Variants in MTAP observed in about 807,000 individuals in gnomAD.
MTAP encodes S-methyl-5'-thioadenosine phosphorylase.
MTAP carries 33 observed loss-of-function variants against 33.6 expected under a neutral mutation model. The ratio of observed to expected loss-of-function variants is 0.98; its 90% CI spans 0.74 to 1.31. The LOEUF (loss-of-function observed/expected upper bound fraction) is 1.31, where lower values mean the gene tolerates loss of function less well. MTAP is among the 40% of genes most tolerant of loss of function. The pLI is 0.00. For synonymous variants in MTAP, 148 were observed against 125.7 expected, an observed-to-expected ratio of 1.18 and a Z score of -1.19; for missense variants, 367 against 360.0, an observed-to-expected ratio of 1.02 and a Z score of -0.16.
intron 1 of MTAP, among the ~76,000 whole-genome samples, chr9:21,874,723 G>A (rs1015202659): frequency 1.4e-4 from 20 of 146,836 alleles, no homozygotes; most frequent in Non-Finnish European, 2.5e-4. Context: ...TATACTTTAA[G>A]TGCTGGGATA....
At chr9:21,879,318 C>A (rs936443022) in intron 1 of MTAP, among the ~76,000 whole-genome samples, 3 of 152,016 alleles carry the variant, frequency 2.0e-5, no homozygotes, top group African/African-American at 7.2e-5. Context: ...CCTTCTTTAT[C>A]TTTTTCTATC....
At chr9:21,830,567 T>A (rs1017005596) in intron 4 of MTAP, among the ~76,000 whole-genome samples, 6 of 152,208 alleles carry the variant, frequency 3.9e-5, no homozygotes, top group African/African-American at 1.4e-4. Context: ...ATTTGACCTT[T>A]AGTCTGTCCT....
intron 1 of MTAP, among the ~76,000 whole-genome samples, chr9:21,917,260 GGA>G (rs1818706557): frequency 6.6e-6 from 1 of 152,160 alleles, no homozygotes; most frequent in South Asian, 2.1e-4. Context: ...CTTGAATTCT[GGA>G]GAGAGGTCTC....
Position 21,861,847 on chromosome 9 carries a change from T to G in MTAP, c.814-129T>G. 3 of 698,924 alleles carry G rather than the reference T, an allele frequency of 4.3e-6. No homozygotes were observed. In the South Asian group the frequency reaches 5.3e-5, roughly 12 times the overall value. 43.3% of individuals were successfully genotyped at this position (698,924 alleles called of 1,614,324 possible). Reference sequence around the variant, plus strand: ...GTGAACTTGAAAATTTTCTGTAGAATTTATTTAAAGTGTATGTTTCCTGCG... The same window carrying G: ...GTGAACTTGAAAATTTTCTGTAGAAGTTATTTAAAGTGTATGTTTCCTGCG... On this transcript the variant is annotated intron_variant, in intron 7 of 7. Transcript: ENST00000644715.
At position 21,915,005 on chromosome 9, in the gene MTAP, TTCC is replaced by T. The variant is rs1818654847; in HGVS notation, c.148-16001_148-15999del. Reference sequence around the variant, plus strand: ...CATATCAATACTTTGTTTTCTTTCCTTCCTTCCTTCCTTCCTTCCTTCCTTCCT... The same window carrying T: ...CATATCAATACTTTGTTTTCTTTCCTTTCCTTCCTTCCTTCCTTCCTTCCT... On this transcript the variant is annotated intron_variant, in intron 1 of 1. Coordinates refer to the MTAP transcript ENST00000577563. Among the ~76,000 whole-genome samples, 17 of 12,428 alleles carry T rather than the reference TTCC, an allele frequency of 1.4e-3. 1 individual carries two copies. Among genetic ancestry groups the T allele is most frequent in the African/African-American group, 5.4e-3 (16 of 2,950 alleles). 8.2% of individuals were successfully genotyped at this position (12,428 alleles called of 152,430 possible).
chr9:21,811,613 G>A, intron 1 of MTAP: 1 of 489,938 alleles, frequency 2.0e-6, no homozygotes, highest in South Asian at 1.5e-5. Flanking sequence ...AGTAACAGAA[G>A]GCTCTAGGCC....
At chr9:21,820,451 G>T (rs542337601) in intron 4 of MTAP, among the ~76,000 whole-genome samples, 272 of 152,270 alleles carry the variant, frequency 1.8e-3, no homozygotes, top group Non-Finnish European at 3.4e-3. Flanking sequence ...TCAGATGCTT[G>T]TAGATGTGTG....
intron 1 of MTAP, among the ~76,000 whole-genome samples, chr9:21,925,901 GGGT>G (rs1818861862): frequency 6.6e-6 from 1 of 152,288 alleles, no homozygotes; most frequent in African/African-American, 2.4e-5. Flanking sequence ...CAAGGTGATG[GGGT>G]TAAATTGGGT....
intron 1 of MTAP, among the ~76,000 whole-genome samples, chr9:21,877,066 A>T (rs1019888452): frequency 3.3e-5 from 5 of 151,900 alleles, no homozygotes; most frequent in African/African-American, 1.2e-4. Context: ...CCTTGTGGAA[A>T]TCTTTCACTT....
chr9:21,808,241 T>C (rs1824256125), intron 1 of MTAP, among the ~76,000 whole-genome samples: 1 of 152,190 alleles, frequency 6.6e-6, no homozygotes, highest in Non-Finnish European at 1.5e-5. Flanking sequence ...CTTAGTGTTA[T>C]AGTTTCCTGT....
At chr9:21,919,515 G>A (rs1056506059) in intron 1 of MTAP, among the ~76,000 whole-genome samples, 1 of 152,192 alleles carries the variant, frequency 6.6e-6, no homozygotes, top group African/African-American at 2.4e-5. Flanking sequence ...TGGATCCCTG[G>A]GTTCAGATGT....
chr9:21,896,600 A>G (rs915896803), intron 1 of MTAP, among the ~76,000 whole-genome samples: 1 of 152,222 alleles, frequency 6.6e-6, no homozygotes, highest in South Asian at 2.1e-4. Flanking sequence ...CAGAGATACT[A>G]TAAACACCTC....
rs866257171 is a variant in MTAP, at chr9:21,864,847, C to A, written c.*2833C>A. 2.0e-6 allele frequency: 2 copies of A among 985,460 alleles called. No homozygotes were observed. The highest frequency in any genetic ancestry group is 1.7e-5 in the African/African-American group (1 of 57,364). 61.0% of individuals were successfully genotyped at this position (985,460 alleles called of 1,614,324 possible). A position where few individuals can be genotyped will look rare whatever the true frequency, so the allele number is the denominator to read the frequency against. ...CATCCACAGGATGCTCCTGGAGCCT[C>A]TTCTCTGGCTGCTACCTCAGGGCAT... On this transcript the variant is annotated 3_prime_UTR_variant, in exon 8 of 8. Coordinates refer to ENST00000644715, the MANE Select transcript of MTAP (RefSeq NM_002451.4).
intron 4 of MTAP, among the ~76,000 whole-genome samples, chr9:21,819,317 T>C (rs964588690): frequency 6.6e-6 from 1 of 152,048 alleles, no homozygotes. Flanking sequence ...GAGGCCCTGG[T>C]GTGTGATGTT....
At position 21,818,564 on chromosome 9, in the gene MTAP, C is replaced by T. The variant is rs1030456680; in HGVS notation, c.347+362C>T. Reference sequence around the variant, plus strand: ...GCTGGTCTTGAATCAGGAGATCACCCGCCTCCGCCTCCCAAAGCGCAAAGT... The same window carrying T: ...GCTGGTCTTGAATCAGGAGATCACCTGCCTCCGCCTCCCAAAGCGCAAAGT... On this transcript the variant is annotated intron_variant, in intron 4 of 7. Transcript: ENST00000644715. 6.6e-5 allele frequency among the ~76,000 whole-genome samples: 10 copies of T among 151,840 alleles called. No individual in the cohort carries two copies. In the East Asian group the frequency reaches 9.7e-4, roughly 15 times the overall value.
chr9:21,906,229 C>T (rs1818474428), intron 1 of MTAP, among the ~76,000 whole-genome samples: 1 of 151,622 alleles, frequency 6.6e-6, no homozygotes, highest in South Asian at 2.1e-4. Context: ...GCTCAAATTT[C>T]CAAATAAGGA....
At position 21,838,029 on chromosome 9, in the gene MTAP, A is replaced by T; in HGVS notation, c.450+19A>T. 6.2e-7 allele frequency: 1 copy of T among 1,601,552 alleles called. No individual in the cohort carries two copies. The highest frequency in any genetic ancestry group is 8.6e-7 in the Non-Finnish European group (1 of 1,169,048). On this transcript the variant is annotated intron_variant, in intron 5 of 7. Transcript: ENST00000644715. ...GAGAGAGGTGTGTAGTCTTTCTGGAAGGTGTACCAGAATAAATCATGTGGG... is the reference window on the plus strand; with the variant it reads ...GAGAGAGGTGTGTAGTCTTTCTGGATGGTGTACCAGAATAAATCATGTGGG...
chr9:21,810,536 G>A (rs1057450655), intron 1 of MTAP, among the ~76,000 whole-genome samples: 3 of 152,136 alleles, frequency 2.0e-5, no homozygotes, highest in African/African-American at 7.2e-5. Context: ...CTTAATTGGG[G>A]TGGATTATTA....
chr9:21,920,998 T>C (rs937010846), intron 1 of MTAP, among the ~76,000 whole-genome samples: 1 of 152,220 alleles, frequency 6.6e-6, no homozygotes, highest in Non-Finnish European at 1.5e-5. Flanking sequence ...CTTTAAAAGT[T>C]TGACAGAATT....
Sources: allele counts gnomAD v4.1 joint callset (sites outside exome capture counted in the v4.1 genomes callset), GRCh38; gene constraint gnomAD v4.1.1; transcripts MANE v1.5; gene names NCBI Gene and HGNC (gene_info 2026-07-23, HGNC 2026-07-21).